IGF2BP2: variants seen among roughly 807,000 people sequenced by gnomAD.
The protein encoded by IGF2BP2 is insulin like growth factor 2 mRNA binding protein 2.
In IGF2BP2, 17 loss-of-function variants were observed where a neutral mutation model predicts 75.8. That is an observed-to-expected ratio of 0.22 (90% CI 0.15 to 0.34). The LOEUF (loss-of-function observed/expected upper bound fraction) is 0.34. Ranked by LOEUF, IGF2BP2 falls within the 10% of genes least tolerant of loss-of-function variation. The pLI is 1.00. For missense variants in IGF2BP2, 516 were observed against 772.4 expected, an observed-to-expected ratio of 0.67 and a Z score of 3.93; for synonymous variants, 288 against 295.6, an observed-to-expected ratio of 0.97 and a Z score of 0.26.
At chr3:185,652,292 G>A (rs1714733090) in intron 12 of IGF2BP2, 124 bp from the exon 13 acceptor site, 1 of 734,214 alleles carries the variant, frequency 1.4e-6, no homozygotes, top group South Asian at 1.9e-5. Context: ...CGTTACCCCT[G>A]GTTCTGTCTG....
At chr3:185,741,093 T>C (rs1261481128) in intron 2 of IGF2BP2, among the ~76,000 whole-genome samples, 1 of 152,122 alleles carries the variant, frequency 6.6e-6, no homozygotes, top group Non-Finnish European at 1.5e-5. Context: ...CCAGGATGTC[T>C]CGATCTCCTG....
At chr3:185,792,433 C>T (rs1322455620) in intron 2 of IGF2BP2, among the ~76,000 whole-genome samples, 6 of 152,000 alleles carry the variant, frequency 3.9e-5, no homozygotes, top group Admixed American at 6.6e-5. Context: ...GGCGAAACCC[C>T]GTCTCTACTA....
intron 2 of IGF2BP2, among the ~76,000 whole-genome samples, chr3:185,820,141 T>C (rs1385202190): frequency 6.6e-6 from 1 of 151,660 alleles, no homozygotes; most frequent in African/African-American, 2.4e-5. Flanking sequence ...ACAGAATCAT[T>C]CAACTTGAGG....
intron 10 of IGF2BP2, among the ~76,000 whole-genome samples, chr3:185,669,573 A>AG (rs1560260746): frequency 4.6e-4 from 63 of 137,674 alleles, no homozygotes; most frequent in African/African-American, 7.0e-4. Context: ...AAAAAAAAAA[A>AG]AGGGGGGGGG....
At chr3:185,685,998 TAC>T (rs1721072329) in intron 7 of IGF2BP2, among the ~76,000 whole-genome samples, 1 of 152,220 alleles carries the variant, frequency 6.6e-6, no homozygotes, top group Non-Finnish European at 1.5e-5. Flanking sequence ...TCATTTATAA[TAC>T]AAAGTTAATT....
intron 13 of IGF2BP2, 91 bp from the exon 14 acceptor site, chr3:185,649,625 A>G: frequency 1.3e-6 from 2 of 1,540,362 alleles, no homozygotes; most frequent in Non-Finnish European, 1.8e-6. Context: ...AGTCCAGACA[A>G]TGGGTCAGTC....
chr3:185,679,363 G>C (rs1372609470), intron 7 of IGF2BP2, among the ~76,000 whole-genome samples: 1 of 151,504 alleles, frequency 6.6e-6, no homozygotes, highest in East Asian at 1.9e-4. Flanking sequence ...CACTTCAATT[G>C]CATAAAAAAC....
At chr3:185,811,855 T>C (rs866015444) in intron 2 of IGF2BP2, among the ~76,000 whole-genome samples, 1 of 97,706 alleles carries the variant, frequency 1.0e-5, no homozygotes, top group African/African-American at 5.6e-5. Context: ...TCTCTCTCTC[T>C]CTCTCTCTCT....
chr3:185,666,400 G>A (rs977387366), intron 10 of IGF2BP2, among the ~76,000 whole-genome samples: 3 of 152,140 alleles, frequency 2.0e-5, no homozygotes, highest in African/African-American at 4.8e-5. Flanking sequence ...TTGAGAGGCC[G>A]AGGCAGGTGG....
chr3:185,753,281 C>T (rs1333873695), intron 2 of IGF2BP2, among the ~76,000 whole-genome samples: 1 of 152,154 alleles, frequency 6.6e-6, no homozygotes, highest in East Asian at 1.9e-4. Context: ...GGGGTGCTCT[C>T]TGCCTGTAAG....
chr3:185,733,587 T>C (rs1578138973), intron 2 of IGF2BP2, among the ~76,000 whole-genome samples: 2 of 152,246 alleles, frequency 1.3e-5, no homozygotes, highest in Non-Finnish European at 2.9e-5. Flanking sequence ...AGAAACCCCA[T>C]GTCTACTAAA....
Position 185,643,286 on chromosome 3 carries a change from C to A in IGF2BP2, c.*2245G>T, listed in dbSNP as rs571455405. 6.6e-6 allele frequency among the ~76,000 whole-genome samples: 1 copy of A among 152,276 alleles called. No individual in the cohort carries two copies. Among genetic ancestry groups the A allele is most frequent in the South Asian group, 2.1e-4 (1 of 4,824 alleles). On this transcript the variant is annotated 3_prime_UTR_variant, in exon 16 of 16. Transcript: ENST00000382199. ...GAACTGCCGGGCATATTATCCTCCC[C>A]CTTTCCTCCACTTAAAAAGCAGCTT...
intron 2 of IGF2BP2, among the ~76,000 whole-genome samples, chr3:185,731,848 GGC>G (rs1728231986): frequency 6.6e-6 from 1 of 152,002 alleles, no homozygotes; most frequent in South Asian, 2.1e-4. Context: ...CGGGCGTCGG[GGC>G]GGGTGCCTGT....
Position 185,675,782 on chromosome 3 carries a change from G to C in IGF2BP2, c.935+9C>G. ...TATTGGGCATGAGTAATCTGAGTAA[G>C]TGGCTTACGATGAGATTGTTATCTT... On this transcript the variant is annotated intron_variant, in intron 8 of 15. Coordinates refer to ENST00000382199, the MANE Select transcript of IGF2BP2 (RefSeq NM_006548.6). 1.9e-6 allele frequency: 3 copies of C among 1,611,904 alleles called. No homozygotes were observed. Among genetic ancestry groups the C allele is most frequent in the Admixed American group, 1.7e-5 (1 of 59,970 alleles).
At chr3:185,824,755 G>C (rs758094065) in intron 1 of IGF2BP2, 28 bp downstream of exon 1, 1 of 1,292,616 alleles carries the variant, frequency 7.7e-7, no homozygotes, top group Non-Finnish European at 1.0e-6. Context: ...GGGCGAGGCG[G>C]GGGGAGGGGG....
chr3:185,766,735 C>G (rs1404747641), intron 2 of IGF2BP2, among the ~76,000 whole-genome samples: 1 of 152,238 alleles, frequency 6.6e-6, no homozygotes, highest in African/African-American at 2.4e-5. Flanking sequence ...TTATAGTTTT[C>G]CCTGGTATAT....
chr3:185,685,845 T>C (rs1470295779), intron 7 of IGF2BP2, among the ~76,000 whole-genome samples: 1 of 152,208 alleles, frequency 6.6e-6, no homozygotes, highest in Admixed American at 6.5e-5. Flanking sequence ...GGTCTCACTA[T>C]GTTGCCCAGC....
chr3:185,741,578 G>C (rs1404824615), intron 2 of IGF2BP2, among the ~76,000 whole-genome samples: 1 of 152,184 alleles, frequency 6.6e-6, no homozygotes, highest in African/African-American at 2.4e-5. Flanking sequence ...GCTCTGAACA[G>C]AGAAAAATTC....
chr3:185,645,634 GGA>G lies in IGF2BP2; in HGVS notation c.1708-13_1708-12del, dbSNP rs767074637. On this transcript the variant is annotated splice_polypyrimidine_tract_variant and intron_variant, in intron 15 of 15. Transcript: ENST00000382199. This position sits in a 1 kb window ranked among gnomAD's most constrained non-coding sequence, Gnocchi z 4.9. ...CTTGCGCTGTGCAGTCTGCAGCAAG[GGA>G]GAGAAGGGAGAGGAAGGGACAGGGG... 3 of 1,606,722 alleles carry G rather than the reference GGA, an allele frequency of 1.9e-6. No individual in the cohort carries two copies. The South Asian group carries it at 3.3e-5, about 18-fold the overall frequency.
Sources: gnomAD v4.1 joint callset for allele counts (sites outside exome capture counted in the v4.1 genomes callset) on GRCh38, gnomAD v4.1.1 for gene constraint, Gnocchi (gnomAD v3.1) non-coding constraint, MANE v1.5 for transcripts, NCBI Gene and HGNC (gene_info 2026-07-23, HGNC 2026-07-21) for gene names.